Variants in ZBTB38 observed in about 807,000 individuals in gnomAD.
ZBTB38 encodes the protein zinc finger and BTB domain-containing protein 38.
In ZBTB38, 20 loss-of-function variants were observed where a neutral mutation model predicts 76.8. That is an observed-to-expected ratio of 0.26 (90% CI 0.18 to 0.38). The LOEUF is 0.38. Ranked by LOEUF, ZBTB38 falls within the 10% of genes least tolerant of loss-of-function variation. ZBTB38 has a pLI of 1.00. For synonymous variants in ZBTB38, 504 were observed against 544.2 expected, an observed-to-expected ratio of 0.93 and a Z score of 1.03; for missense variants, 1,082 against 1,482.3, an observed-to-expected ratio of 0.73 and a Z score of 4.43.
intron 1 of ZBTB38, among the ~76,000 whole-genome samples, chr3:141,340,487 T>A (rs1943140754): frequency 6.6e-6 from 1 of 152,212 alleles, no homozygotes. Flanking sequence ...ATCACATTTC[T>A]GAAAAGAGAC....
chr3:141,368,964 A>C (rs1478014298), intron 1 of ZBTB38, among the ~76,000 whole-genome samples, 160 bp downstream of exon 1: 1 of 146,194 alleles, frequency 6.8e-6, no homozygotes, highest in East Asian at 2.0e-4. Context: ...AAGGGATCTG[A>C]TATCTCTCTC....
intron 1 of ZBTB38, among the ~76,000 whole-genome samples, chr3:141,327,262 C>T (rs1011149608): frequency 6.6e-6 from 1 of 152,190 alleles, no homozygotes; most frequent in Non-Finnish European, 1.5e-5. Context: ...CACACATAGA[C>T]TTCCTTCCAA....
chr3:141,349,302 A>C (rs2148928687), intron 1 of ZBTB38, among the ~76,000 whole-genome samples: 1 of 152,350 alleles, frequency 6.6e-6, no homozygotes, highest in African/African-American at 2.4e-5. Flanking sequence ...AAATAGTTAT[A>C]AAACACTGCA....
intron 1 of ZBTB38, among the ~76,000 whole-genome samples, chr3:141,353,562 G>A (rs1943579270): frequency 1.3e-5 from 2 of 152,100 alleles, no homozygotes; most frequent in Admixed American, 6.6e-5. Flanking sequence ...GGGAAGGGGG[G>A]AAGGGGAGAA....
At chr3:141,342,218 A>G (rs1408079067) in intron 1 of ZBTB38, among the ~76,000 whole-genome samples, 6 of 151,992 alleles carry the variant, frequency 3.9e-5, no homozygotes, top group African/African-American at 1.4e-4. Context: ...CCGGCTACTC[A>G]GGAGGCTGAG....
At chr3:141,365,905 T>G (rs567639207), upstream of ZBTB38, among the ~76,000 whole-genome samples, 13 of 152,344 alleles carry the variant, frequency 8.5e-5, no homozygotes, top group Admixed American at 2.6e-4. Flanking sequence ...ATAATTTTTT[T>G]TAAAGAGAGG....
chr3:141,426,521 G>A (rs1001999176), intron 5 of ZBTB38, among the ~76,000 whole-genome samples: 2 of 152,208 alleles, frequency 1.3e-5, no homozygotes, highest in African/African-American at 4.8e-5. Context: ...ATGAGAGGAG[G>A]AGAGGAGGCC....
intron 1 of ZBTB38, among the ~76,000 whole-genome samples, chr3:141,354,615 A>G (rs1943610832): frequency 6.6e-6 from 1 of 151,960 alleles, no homozygotes; most frequent in Admixed American, 6.6e-5. Flanking sequence ...TCCCTTGCTC[A>G]TGGTCAGCAC....
chr3:141,408,988 G>A (rs1464729444), intron 5 of ZBTB38, among the ~76,000 whole-genome samples: 2 of 152,186 alleles, frequency 1.3e-5, no homozygotes, highest in Non-Finnish European at 2.9e-5. Context: ...GGTGTGGCAA[G>A]TGAAGCAAAA....
Position 141,442,928 on chromosome 3 carries a change from T to C in ZBTB38, c.540T>C (p.Phe180=). The C allele has an allele frequency of 1.9e-6, 3 of 1,614,224 alleles. No individual in the cohort carries two copies. The highest frequency in any genetic ancestry group is 1.7e-6 in the Non-Finnish European group (2 of 1,180,032). ...IIETENSNNM[F]SPLDLRASFK... Reference sequence around the variant, plus strand: ...AAACAGAAAATAGTAATAACATGTTTTCCCCGCTGGACTTGAGGGCAAGTT... The same window carrying C: ...AAACAGAAAATAGTAATAACATGTTCTCCCCGCTGGACTTGAGGGCAAGTT... The change falls in exon 6 of 6, where the codon TTT becomes TTC. Residue 180 remains phenylalanine (F), a synonymous_variant. Coordinates refer to ENST00000321464, the MANE Select transcript of ZBTB38 (RefSeq NM_001376113.1). The surrounding 1 kb of genome is among the most constrained non-coding windows in gnomAD (Gnocchi z 6.4).
intron 5 of ZBTB38, among the ~76,000 whole-genome samples, chr3:141,404,409 G>A (rs1953597886): frequency 1.3e-5 from 2 of 152,160 alleles, no homozygotes; most frequent in African/African-American, 4.8e-5. Flanking sequence ...GGCAGGACTG[G>A]ACCTTGAATC....
rs62281996 is a variant in ZBTB38 at position 141,335,599 on chromosome 3, G to A, written c.-739+11143G>A. ...CCCTGGGCTGGGCTGGAAGAGACAG[G>A]AACAGGCACAGGCCTTCCGTGGCTG... On this transcript the variant is annotated intron_variant, in intron 1 of 7. Coordinates refer to the ZBTB38 transcript ENST00000509842. 6.2e-3 allele frequency among the ~76,000 whole-genome samples: 949 copies of A among 152,348 alleles called. 1 individual carries two copies. Among genetic ancestry groups the A allele is most frequent in the Non-Finnish European group, 1.0e-2 (677 of 68,030 alleles).
chr3:141,425,304 G>A (rs1483615422), intron 5 of ZBTB38, among the ~76,000 whole-genome samples: 1 of 152,094 alleles, frequency 6.6e-6, no homozygotes, highest in African/African-American at 2.4e-5. Context: ...CCCATCATAT[G>A]GTAACTCTAC....
At chr3:141,366,672 T>A (rs1943979806), upstream of ZBTB38, 1 of 152,124 alleles carries the variant, frequency 6.6e-6, no homozygotes, top group African/African-American at 2.4e-5. Context: ...GAGGCATAGA[T>A]TGCCTGAGTC....
chr3:141,348,420 T>A (rs1943427307), intron 1 of ZBTB38, among the ~76,000 whole-genome samples: 1 of 152,234 alleles, frequency 6.6e-6, no homozygotes, highest in Admixed American at 6.5e-5. Context: ...GCTTTGGAAC[T>A]TGGAAGTAAT....
Position 141,443,645 on chromosome 3 carries a change from A to G in ZBTB38, c.1257A>G (p.Gly419=). 2.5e-6 allele frequency: 4 copies of G among 1,614,224 alleles called. No homozygotes were observed. The highest frequency in any genetic ancestry group is 3.4e-6 in the Non-Finnish European group (4 of 1,180,034). Residue 419 remains glycine (G), a synonymous_variant, in exon 6 of 6, where the codon GGA becomes GGG. Transcript: ENST00000321464. The surrounding 1 kb of genome is among the most constrained non-coding windows in gnomAD (Gnocchi z 5.6). ...ACTATCCTACCATTGGACAAAATGG[A>G]GGTTCATTCACAGGTCCAGAACCTT... The part of the protein sequence containing the change: ...LENYPTIGQN[G]GSFTGPEPLL...
chr3:141,327,270 C>T (rs1457219974), intron 1 of ZBTB38, among the ~76,000 whole-genome samples: 1 of 152,100 alleles, frequency 6.6e-6, no homozygotes, highest in East Asian at 1.9e-4. Context: ...GACTTCCTTC[C>T]AAAGAGTACA....
chr3:141,377,420 T>C lies in ZBTB38; in HGVS notation c.-234-4005T>C, dbSNP rs566686280. On this transcript the variant is annotated intron_variant, in intron 2 of 5. Coordinates refer to ENST00000321464, the MANE Select transcript of ZBTB38 (RefSeq NM_001376113.1). ...ATCAAAAGGAGCCCGACACATCTAG[T>C]AGATGGCTTAAATAAAAAATACTGA... 2.6e-5 allele frequency among the ~76,000 whole-genome samples: 4 copies of C among 152,298 alleles called. No homozygotes were observed. In the South Asian group the frequency reaches 8.3e-4, roughly 32 times the overall value.
At chr3:141,431,829 C>T (rs1440073215) in intron 5 of ZBTB38, 1 of 152,438 alleles carries the variant, frequency 6.6e-6, no homozygotes, top group Non-Finnish European at 1.5e-5. Flanking sequence ...CTTCCCCTGT[C>T]ACACGATGCC....
Sources: gnomAD v4.1 joint callset for allele counts (sites outside exome capture counted in the v4.1 genomes callset) on GRCh38, gnomAD v4.1.1 for gene constraint, Gnocchi (gnomAD v3.1) non-coding constraint, MANE v1.5 for transcripts, NCBI Gene and HGNC (gene_info 2026-07-23, HGNC 2026-07-21) for gene names.